ARHGEF10L: variants seen among roughly 807,000 people sequenced by gnomAD.
ARHGEF10L encodes rho guanine nucleotide exchange factor 10-like protein.
ARHGEF10L carries 69 observed loss-of-function variants against 141.2 expected under a neutral mutation model. That is an observed-to-expected ratio of 0.49 (90% CI 0.40 to 0.60). The LOEUF (loss-of-function observed/expected upper bound fraction) is 0.60, where lower values mean the gene tolerates loss of function less well. ARHGEF10L is among the 20% of genes least tolerant of loss of function. The pLI, the probability that ARHGEF10L is intolerant of heterozygous loss-of-function variation, is 0.00. For synonymous variants in ARHGEF10L, 711 were observed against 718.5 expected, an observed-to-expected ratio of 0.99 and a Z score of 0.17; for missense variants, 1,482 against 1,734.3, an observed-to-expected ratio of 0.85 and a Z score of 2.58.
rs763005960 is a variant in ARHGEF10L, at chr1:17,655,900, G to A, written c.2503G>A (p.Ala835Thr). 45 of 1,555,062 alleles carry A rather than the reference G, an allele frequency of 2.9e-5. No homozygotes were observed. The highest frequency in any genetic ancestry group is 3.7e-5 in the Non-Finnish European group (43 of 1,149,264). The change falls in exon 24 of 29, where the codon GCA becomes ACA. Residue 835 changes from alanine (A) to threonine (T), a missense_variant. This residue lies in a region of ARHGEF10L where 858 missense variants were observed against 966.3 expected (regional missense o/e 0.89). Transcript: ENST00000361221. Reference protein sequence around the residue: ...YLWVGGGQEGAGGQVEIFSLN... With the variant: ...YLWVGGGQEGTGGQVEIFSLN... ...CCAGGTCGGGGGCGGACAGGAAGGCGCAGGGGGCCAGGTGGAAATCTTTTC... is the reference window on the plus strand; with the variant it reads ...CCAGGTCGGGGGCGGACAGGAAGGCACAGGGGGCCAGGTGGAAATCTTTTC...
Position 17,673,247 on chromosome 1 carries a change from C to G in ARHGEF10L, c.3009+8652C>G, listed in dbSNP as rs1256444784. ...AGTCCTGTCCTTGTGAGCCACCCCCCAGTCTTAGCTGGTAGCAGCCAGCCC... is the reference window on the plus strand; with the variant it reads ...AGTCCTGTCCTTGTGAGCCACCCCCGAGTCTTAGCTGGTAGCAGCCAGCCC... On this transcript the variant is annotated intron_variant, in intron 26 of 28. Coordinates refer to ENST00000361221, the MANE Select transcript of ARHGEF10L (RefSeq NM_018125.4). The surrounding 1 kb of genome is among the most constrained non-coding windows in gnomAD (Gnocchi z 4.1). Among the ~76,000 whole-genome samples the G allele has an allele frequency of 6.6e-6, 1 of 152,092 alleles. No individual in the cohort carries two copies. Among genetic ancestry groups the G allele is most frequent in the Non-Finnish European group, 1.5e-5 (1 of 68,006 alleles).
At chr1:17,642,807 C>A (rs1202945959) in intron 21 of ARHGEF10L, among the ~76,000 whole-genome samples, 1 of 152,188 alleles carries the variant, frequency 6.6e-6, no homozygotes, top group East Asian at 1.9e-4. Context: ...GCCCCTTGGG[C>A]CATGCGCTCC....
In ARHGEF10L at chr1:17,603,223, G is replaced by T. The variant is rs563974505; in HGVS notation, c.350-285G>T. On this transcript the variant is annotated intron_variant, in intron 5 of 28. Transcript: ENST00000361221. This position sits in a 1 kb window ranked among gnomAD's most constrained non-coding sequence, Gnocchi z 4.8. The stretch of plus-strand genomic sequence containing the variant: ...CTGCGTCATGCTCCCTGCAGGGGCC[G>T]GGAGCAGCTGTCCATTAGCCAGATG... Among the ~76,000 whole-genome samples the T allele has an allele frequency of 6.5e-4, 98 of 151,238 alleles. 1 individual carries two copies. The highest frequency in any genetic ancestry group is 2.1e-3 in the African/African-American group (88 of 41,126).
the ARHGEF10L span, among the ~76,000 whole-genome samples, chr1:17,518,890 C>T: frequency 6.6e-6 from 1 of 151,622 alleles, no homozygotes; most frequent in East Asian, 1.9e-4. Flanking sequence ...AGCATCAGTG[C>T]CAGGTGCAGT....
At chr1:17,557,051 A>AT (rs1174995205) in intron 1 of ARHGEF10L, among the ~76,000 whole-genome samples, 1 of 145,692 alleles carries the variant, frequency 6.9e-6, no homozygotes, top group East Asian at 1.9e-4. Flanking sequence ...AAAAAAAAAA[A>AT]AGAAAATGTG....
At chr1:17,555,711 A>G (rs2077279285) in intron 1 of ARHGEF10L, among the ~76,000 whole-genome samples, 1 of 152,178 alleles carries the variant, frequency 6.6e-6, no homozygotes, top group African/African-American at 2.4e-5. Context: ...TGGGGGACAC[A>G]TCTACTGAGC....
intron 1 of ARHGEF10L, among the ~76,000 whole-genome samples, chr1:17,566,864 G>A (rs2077776545): frequency 6.6e-6 from 1 of 152,178 alleles, no homozygotes; most frequent in South Asian, 2.1e-4. Flanking sequence ...GAGCAAGGGG[G>A]GGTTGTTGGA....
At chr1:17,538,028 T>G (rs976817480), upstream of ARHGEF10L, among the ~76,000 whole-genome samples, 4 of 151,774 alleles carry the variant, frequency 2.6e-5, no homozygotes, top group African/African-American at 4.8e-5. Flanking sequence ...GTGAGCTGAT[T>G]GTGCCAGCCT....
Position 17,621,812 on chromosome 1 carries a change from G to A in ARHGEF10L, c.943-52G>A, listed in dbSNP as rs1570995248. ...GTCAGCTCCCCTTCCTGTCACTTGGGCCCTGTGCAGCAGGTGTCATGTGCG... is the reference window on the plus strand; with the variant it reads ...GTCAGCTCCCCTTCCTGTCACTTGGACCCTGTGCAGCAGGTGTCATGTGCG... On this transcript the variant is annotated intron_variant, in intron 10 of 28. Transcript: ENST00000361221. The surrounding 1 kb of genome is among the most constrained non-coding windows in gnomAD (Gnocchi z 4.1). 1 of 1,538,070 alleles carries A rather than the reference G, an allele frequency of 6.5e-7. No homozygotes were observed. The highest frequency in any genetic ancestry group is 2.2e-5 in the East Asian group (1 of 44,524).
At chr1:17,663,440 C>T (rs1236255241) in intron 25 of ARHGEF10L, among the ~76,000 whole-genome samples, 6 of 152,034 alleles carry the variant, frequency 3.9e-5, no homozygotes, top group African/African-American at 1.4e-4. Context: ...ATAATCTCAG[C>T]TACTTCGGAG....
intron 26 of ARHGEF10L, among the ~76,000 whole-genome samples, chr1:17,680,064 G>A (rs530304345): frequency 8.7e-4 from 132 of 152,190 alleles, no homozygotes; most frequent in African/African-American, 2.7e-3. Context: ...CTTCTGCCCC[G>A]CCTTGCCCCA....
At chr1:17,677,512 T>G (rs1416051931) in intron 26 of ARHGEF10L, among the ~76,000 whole-genome samples, 5 of 152,202 alleles carry the variant, frequency 3.3e-5, no homozygotes. Context: ...GGCTGGAGCT[T>G]TAGTCCCTGT....
At chr1:17,651,496 G>A (rs771217202) in intron 22 of ARHGEF10L, among the ~76,000 whole-genome samples, 2 of 152,176 alleles carry the variant, frequency 1.3e-5, no homozygotes, top group Non-Finnish European at 2.9e-5. Flanking sequence ...TCTCCCCCAG[G>A]GCCTTGGGTC....
At chr1:17,530,473 G>A in the ARHGEF10L span, among the ~76,000 whole-genome samples, 1,180 of 152,256 alleles carry the variant, frequency 7.8e-3, 14 homozygotes, top group African/African-American at 0.026. Flanking sequence ...CTCTCAGAAG[G>A]TACCCACAAA....
chr1:17,598,698 GA>G lies in ARHGEF10L; in HGVS notation c.258-3428del, dbSNP rs1279139977. On this transcript the variant is annotated intron_variant, in intron 4 of 28. Transcript: ENST00000361221. Reference sequence around the variant, plus strand: ...GGACTTTTTTTGTCAGGGGAACACAGACATTCATACCATAGCAGATGGAGAC... The same window carrying G: ...GGACTTTTTTTGTCAGGGGAACACAGCATTCATACCATAGCAGATGGAGAC... 1.6e-4 allele frequency among the ~76,000 whole-genome samples: 24 copies of G among 152,212 alleles called. No individual in the cohort carries two copies. The East Asian group carries it at 4.6e-3, about 29-fold the overall frequency.
At chr1:17,684,478 G>A (rs1569654278) in intron 26 of ARHGEF10L, among the ~76,000 whole-genome samples, 1 of 152,112 alleles carries the variant, frequency 6.6e-6, no homozygotes, top group African/African-American at 2.4e-5. Context: ...AAAATCAGAG[G>A]CTCTGAGCCT....
At chr1:17,520,169 G>A in the ARHGEF10L span, among the ~76,000 whole-genome samples, 1 of 152,204 alleles carries the variant, frequency 6.6e-6, no homozygotes, top group East Asian at 1.9e-4. Context: ...CTGGTTGATG[G>A]ATGGCTCAGC....
chr1:17,579,034 T>G (rs890460958), intron 1 of ARHGEF10L, among the ~76,000 whole-genome samples: 19 of 152,166 alleles, frequency 1.2e-4, no homozygotes, highest in Admixed American at 1.1e-3. Flanking sequence ...TTTTTTTAAT[T>G]TTTTGAGACA....
At chr1:17,649,222 T>C (rs929387154) in intron 22 of ARHGEF10L, among the ~76,000 whole-genome samples, 10 of 152,260 alleles carry the variant, frequency 6.6e-5, no homozygotes, top group Admixed American at 5.9e-4. Context: ...ACAGGTGCTA[T>C]GATTTTCCAA....
Sources: allele counts gnomAD v4.1 joint callset (sites outside exome capture counted in the v4.1 genomes callset), GRCh38; gene constraint gnomAD v4.1.1; regional missense constraint gnomAD v4.1.1; non-coding constraint Gnocchi (gnomAD v3.1); transcripts MANE v1.5; gene names NCBI Gene and HGNC (gene_info 2026-07-23, HGNC 2026-07-21).